The following SORBS2 variants were observed in gnomAD, a reference collection of about 807,000 sequenced individuals.
SORBS2 encodes sorbin and SH3 domain containing 2.
SORBS2 carries 46 observed loss-of-function variants against 97.7 expected under a neutral mutation model. The observed-to-expected ratio is 0.47, with a 90% CI of 0.37 to 0.60. The LOEUF (loss-of-function observed/expected upper bound fraction) is 0.60. Ranked by LOEUF, SORBS2 falls within the 20% of genes least tolerant of loss-of-function variation. SORBS2 has a pLI of 0.00. For missense variants in SORBS2, 1,316 were observed against 1,282.3 expected (o/e 1.03, Z -0.40); for synonymous variants, 476 against 473.4 (o/e 1.01, Z -0.07).
chr4:185,865,960 T>C (rs2099226649), intron 1 of SORBS2, among the ~76,000 whole-genome samples: 1 of 152,232 alleles, frequency 6.6e-6, no homozygotes, highest in Non-Finnish European at 1.5e-5. Context: ...AATGGCATGA[T>C]GTAACTAGGC....
intron 1 of SORBS2, among the ~76,000 whole-genome samples, chr4:185,870,000 ATCTT>A (rs1448253892): frequency 1.3e-5 from 2 of 152,226 alleles, no homozygotes; most frequent in Non-Finnish European, 2.9e-5. Context: ...AAGTTGAAAA[ATCTT>A]TCTTAATTGT....
At chr4:185,599,661 A>T (rs1031242606) in intron 12 of SORBS2, among the ~76,000 whole-genome samples, 1 of 152,088 alleles carries the variant, frequency 6.6e-6, no homozygotes, top group Non-Finnish European at 1.5e-5. Flanking sequence ...AGAAACGGTG[A>T]CTAGAAAGCA....
chr4:185,897,097 C>T (rs1359168143), intron 1 of SORBS2, among the ~76,000 whole-genome samples: 3 of 151,506 alleles, frequency 2.0e-5, no homozygotes, highest in Non-Finnish European at 4.4e-5. Context: ...CAATTCTCCC[C>T]TGAGGCCAGA....
intron 1 of SORBS2, among the ~76,000 whole-genome samples, chr4:185,796,227 C>T (rs1048337190): frequency 1.3e-5 from 2 of 152,190 alleles, no homozygotes; most frequent in African/African-American, 4.8e-5. Flanking sequence ...TTCTTGAATT[C>T]ATTCCCACCC....
intron 2 of SORBS2, among the ~76,000 whole-genome samples, chr4:185,765,777 T>C (rs1399280004): frequency 2.0e-5 from 3 of 152,228 alleles, no homozygotes; most frequent in Non-Finnish European, 4.4e-5. Flanking sequence ...AAAAAGGTAG[T>C]ATTTTATTAC....
intron 1 of SORBS2, among the ~76,000 whole-genome samples, chr4:185,886,568 A>AAG (rs2099239711): frequency 6.9e-6 from 1 of 145,954 alleles, no homozygotes; most frequent in African/African-American, 2.5e-5. Context: ...AAAAAAAAAA[A>AAG]AAAAAGAAAA....
chr4:185,649,987 C>T (rs2097284554), intron 2 of SORBS2, among the ~76,000 whole-genome samples: 1 of 152,154 alleles, frequency 6.6e-6, no homozygotes, highest in African/African-American at 2.4e-5. Context: ...CAATTGTATA[C>T]ACTAAGAAAA....
chr4:185,930,203 A>T (rs1363592744), intron 1 of SORBS2, among the ~76,000 whole-genome samples: 2 of 152,212 alleles, frequency 1.3e-5, no homozygotes, highest in Admixed American at 1.3e-4. Context: ...ACATAACAAG[A>T]AAACCCCATA....
At chr4:185,947,902 C>T (rs992271117) in intron 1 of SORBS2, among the ~76,000 whole-genome samples, 21 of 151,074 alleles carry the variant, frequency 1.4e-4, no homozygotes, top group African/African-American at 4.4e-4. Flanking sequence ...TGAGCCACTA[C>T]GCCCCGCCCT....
rs148553588 is a variant in SORBS2 at position 185,684,984 on chromosome 4, C to T, written c.-197-6162G>A. On this transcript the variant is annotated intron_variant, in intron 2 of 20. Transcript: ENST00000284776. This position sits in a 1 kb window ranked among gnomAD's most constrained non-coding sequence, Gnocchi z 4.2. ...AATTAGTAATCATGGAATGCACCTGCCAATTTCACACCACCCTCAAACTAA... is the reference window on the plus strand; with the variant it reads ...AATTAGTAATCATGGAATGCACCTGTCAATTTCACACCACCCTCAAACTAA... The T allele has an allele frequency of 1.0e-4, 64 of 632,442 alleles. No individual in the cohort carries two copies. In the East Asian group the frequency reaches 1.8e-3, roughly 18 times the overall value. 39.2% of individuals were successfully genotyped at this position (632,442 alleles called of 1,614,324 possible).
intron 12 of SORBS2, among the ~76,000 whole-genome samples, chr4:185,595,400 T>G (rs933612021): frequency 6.6e-6 from 1 of 152,132 alleles, no homozygotes; most frequent in Non-Finnish European, 1.5e-5. Flanking sequence ...TTAAGAAAAA[T>G]TATGACTAAC....
intron 1 of SORBS2, among the ~76,000 whole-genome samples, chr4:185,928,691 G>A (rs1231701233): frequency 5.9e-5 from 9 of 151,998 alleles, no homozygotes; most frequent in South Asian, 4.2e-4. Flanking sequence ...GACTACAGGC[G>A]CCTGCCACCA....
intron 2 of SORBS2, among the ~76,000 whole-genome samples, chr4:185,686,868 G>A (rs975861998): frequency 6.6e-6 from 1 of 152,156 alleles, no homozygotes; most frequent in African/African-American, 2.4e-5. Context: ...GGTAGTTCCT[G>A]TTTTTAAGGA....
At chr4:185,763,166 G>A (rs1194585486) in intron 2 of SORBS2, among the ~76,000 whole-genome samples, 1 of 151,730 alleles carries the variant, frequency 6.6e-6, no homozygotes. Flanking sequence ...TCCAGCCTGG[G>A]TGACAGAGAG....
intron 1 of SORBS2, among the ~76,000 whole-genome samples, chr4:185,863,495 C>T (rs2099225064): frequency 6.6e-6 from 1 of 152,162 alleles, no homozygotes; most frequent in African/African-American, 2.4e-5. Context: ...ATACTGTCTT[C>T]TTATTTGTTT....
chr4:185,756,719 C>CTTTTTTTTTTT (rs56955640), intron 2 of SORBS2, among the ~76,000 whole-genome samples: 1 of 131,598 alleles, frequency 7.6e-6, no homozygotes. Flanking sequence ...ACTGTTAAAG[C>CTTTTTTTTTTT]TTTTTTTTTT....
rs142870773 is a variant in SORBS2 at position 185,915,166 on chromosome 4, A to G, written c.-338+41030T>C. On this transcript the variant is annotated intron_variant, in intron 1 of 20. Coordinates refer to the SORBS2 transcript ENST00000284776. ...TTTTAAAACTTTTTTCGGCCTTTAT[A>G]CTGCTTTCAGCAGCATTTGTGTGTA... Among the ~76,000 whole-genome samples, 23 of 152,290 alleles carry G rather than the reference A, an allele frequency of 1.5e-4. No individual in the cohort carries two copies. The East Asian group carries it at 4.4e-3, about 29-fold the overall frequency.
At chr4:185,645,709 T>C (rs58267027) in intron 4 of SORBS2, 1 of 152,198 alleles carries the variant, frequency 6.6e-6, no homozygotes, top group African/African-American at 2.4e-5. Flanking sequence ...TCCTGTTCAC[T>C]GACACCTAAA....
At chr4:185,652,795 C>G in intron 1 of SORBS2, 67 bp from the exon 10 acceptor site, 1 of 1,141,014 alleles carries the variant, frequency 8.8e-7, no homozygotes. Context: ...TCAGTGTTTT[C>G]ATTTCTCTAT....
Sources: gnomAD v4.1 joint callset for allele counts (sites outside exome capture counted in the v4.1 genomes callset) on GRCh38, gnomAD v4.1.1 for gene constraint, Gnocchi (gnomAD v3.1) non-coding constraint, MANE v1.5 for transcripts, NCBI Gene and HGNC (gene_info 2026-07-23, HGNC 2026-07-21) for gene names.